FMO1: variants seen among roughly 807,000 people sequenced by gnomAD.
FMO1 encodes flavin containing dimethylaniline monoxygenase 1, also known as flavin-containing monooxygenase 1.
Under a neutral mutation model 45.4 loss-of-function variants are expected in FMO1, and 36 were observed. That is an observed-to-expected ratio of 0.79 (90% CI 0.61 to 1.05). The LOEUF (loss-of-function observed/expected upper bound fraction) is 1.05, where lower values mean the gene tolerates loss of function less well. Among genes scored for constraint, FMO1 ranks in the 50% least tolerant of loss-of-function variants. The pLI is 0.00. For synonymous variants in FMO1, 228 were observed against 227.2 expected, an observed-to-expected ratio of 1.00 and a Z score of -0.03; for missense variants, 615 against 640.3, an observed-to-expected ratio of 0.96 and a Z score of 0.43.
In FMO1 at chr1:171,283,162, C is replaced by T. The variant is rs753088959; in HGVS notation, c.1202C>T (p.Pro401Leu). ...RVLKGVNKLP[P>L]PSVMIEEINA... ...CCTACAGGTGTAAATAAGTTACCAC[C>T]ACCAAGTGTCATGATAGAGGAAATT... The change falls in exon 8 of 9, where the codon CCA becomes CTA. Residue 401 changes from proline to leucine, a missense_variant. Transcript: ENST00000617670. 2 of 1,577,576 alleles carry T rather than the reference C, an allele frequency of 1.3e-6. No homozygotes were observed. Among genetic ancestry groups the T allele is most frequent in the Non-Finnish European group, 1.7e-6 (2 of 1,156,756 alleles).
chr1:171,271,298 G>A (rs1052894347), intron 3 of FMO1: 24 of 1,317,696 alleles, frequency 1.8e-5, no homozygotes, highest in Middle Eastern at 2.7e-4. Flanking sequence ...GCTGAAGGAG[G>A]CCTCTTGGGT....
chr1:171,283,143 G>A lies in FMO1; in HGVS notation c.1184-1G>A. ...TTGAGGTTTTTATTTTAATCCTACA[G>A]GTGTAAATAAGTTACCACCACCAAG... On this transcript the variant is annotated splice_acceptor_variant, in intron 7 of 8. Transcript: ENST00000617670. LOFTEE classifies it high-confidence loss of function. 1 of 1,514,180 alleles carries A rather than the reference G, an allele frequency of 6.6e-7. No individual in the cohort carries two copies. Among genetic ancestry groups the A allele is most frequent in the Non-Finnish European group, 9.1e-7 (1 of 1,099,826 alleles). The allele number at this position is 1,514,180 out of a possible 1,614,324, so 93.8% of individuals were successfully genotyped here. A position where few individuals can be genotyped will look rare whatever the true frequency, so the allele number is the denominator to read the frequency against.
Position 171,282,105 on chromosome 1 carries a change from G to A in FMO1, c.955G>A (p.Glu319Lys). 1 of 1,613,904 alleles carries A rather than the reference G, an allele frequency of 6.2e-7. No individual in the cohort carries two copies. The change falls in exon 7 of 9, where the codon GAA (glutamate) becomes AAA (lysine). Residue 319 changes from glutamate to lysine, a missense_variant. By Grantham distance (56) the Glu-to-Lys change is moderately conservative (BLOSUM62 1). Transcript: ENST00000617670. ...NSVIFNNTSK[E>K]EPIDIIVFAT... is the part of the protein sequence containing the mutation. ...TGTCATATTTAACAATACTTCAAAG[G>A]AAGAGCCTATTGACATCATTGTCTT... is the stretch of plus-strand genomic sequence containing the variant.
At chr1:171,267,793 T>C in intron 3 of FMO1, 62 bp downstream of exon 3, 4 of 1,320,744 alleles carry the variant, frequency 3.0e-6, no homozygotes, top group Non-Finnish European at 4.2e-6. Context: ...CTCTTATCTC[T>C]CCAGCCTAGC....
intron 1 of FMO1, chr1:171,251,517 T>C (rs373644382): frequency 6.6e-6 from 1 of 151,808 alleles, no homozygotes; most frequent in East Asian, 2.0e-4. Flanking sequence ...CGGGTTCTTT[T>C]CTTACCTTCG....
intron 5 of FMO1, 116 bp downstream of exon 5, chr1:171,278,987 C>A (rs1005683409): frequency 5.2e-6 from 4 of 769,730 alleles, no homozygotes; most frequent in Non-Finnish European, 7.3e-6. Flanking sequence ...ATGCAAACAA[C>A]AGATTACTAA....
chr1:171,284,326 G>A (rs1487285726), intron 8 of FMO1, among the ~76,000 whole-genome samples: 3 of 152,040 alleles, frequency 2.0e-5, no homozygotes, highest in Admixed American at 1.3e-4. Context: ...CATTTTAGAT[G>A]TCTCTTCTTT....
intron 1 of FMO1, among the ~76,000 whole-genome samples, chr1:171,257,328 A>G (rs568551146): frequency 3.0e-4 from 46 of 152,136 alleles, no homozygotes; most frequent in Non-Finnish European, 5.9e-4. Context: ...GTGCCAGAAG[A>G]TTCTCTGGCC....
At chr1:171,273,821 G>C (rs1660978589) in intron 3 of FMO1, among the ~76,000 whole-genome samples, 1 of 152,088 alleles carries the variant, frequency 6.6e-6, no homozygotes, top group African/African-American at 2.4e-5. Context: ...CCAGGCACAA[G>C]GCCATTTTAG....
At chr1:171,269,367 A>G (rs991882777) in intron 3 of FMO1, among the ~76,000 whole-genome samples, 2 of 152,124 alleles carry the variant, frequency 1.3e-5, no homozygotes, top group African/African-American at 4.8e-5. Context: ...TATGAACAAT[A>G]AAGTCCAGGC....
At chr1:171,252,524 C>T (rs894720445) in intron 1 of FMO1, among the ~76,000 whole-genome samples, 6 of 152,274 alleles carry the variant, frequency 3.9e-5, no homozygotes, top group African/African-American at 1.4e-4. Flanking sequence ...CCTCTTTCCA[C>T]CTGGCCTGTT....
intron 2 of FMO1, among the ~76,000 whole-genome samples, chr1:171,266,839 T>A (rs986712628): frequency 6.6e-6 from 1 of 152,226 alleles, no homozygotes. Flanking sequence ...GCAATGTATA[T>A]TAAAGACATT....
At chr1:171,274,511 C>T (rs184526617) in intron 3 of FMO1, among the ~76,000 whole-genome samples, 1 of 151,978 alleles carries the variant, frequency 6.6e-6, no homozygotes, top group Non-Finnish European at 1.5e-5. Context: ...AAAAATAAAT[C>T]TATTTTGAAA....
At chr1:171,256,427 A>G (rs1252424441) in intron 1 of FMO1, among the ~76,000 whole-genome samples, 1 of 152,086 alleles carries the variant, frequency 6.6e-6, no homozygotes, top group Non-Finnish European at 1.5e-5. Context: ...CAATACCCAT[A>G]CTTCACAACT....
intron 1 of FMO1, chr1:171,257,673 T>C (rs1660217010): frequency 4.5e-6 from 1 of 223,370 alleles, no homozygotes; most frequent in Non-Finnish European, 9.0e-6. Context: ...AGCTTCAGTT[T>C]TGTATGTGAT....
chr1:171,278,205 C>T (rs1661187058), intron 4 of FMO1, among the ~76,000 whole-genome samples: 1 of 152,094 alleles, frequency 6.6e-6, no homozygotes, highest in Admixed American at 6.6e-5. Flanking sequence ...GTGAACTTCT[C>T]CAACTAACAT....
At chr1:171,258,540 C>A (rs901353754) in intron 2 of FMO1, among the ~76,000 whole-genome samples, 2 of 152,120 alleles carry the variant, frequency 1.3e-5, no homozygotes, top group Non-Finnish European at 2.9e-5. Context: ...AGGACCAGGG[C>A]GTCTGAAGCA....
At chr1:171,270,781 T>C (rs1465984554) in intron 3 of FMO1, 1 of 882,000 alleles carries the variant, frequency 1.1e-6, no homozygotes, top group Non-Finnish European at 1.5e-6. Context: ...AGGAGAGGGC[T>C]ATCTAAAGAC....
intron 2 of FMO1, 50 bp downstream of exon 2, chr1:171,258,269 A>C: frequency 6.3e-7 from 1 of 1,595,810 alleles, no homozygotes; most frequent in Non-Finnish European, 8.6e-7. Context: ...ATGGCTTGGC[A>C]GCTGGGAAAT....
Sources: allele counts gnomAD v4.1 joint callset (sites outside exome capture counted in the v4.1 genomes callset), GRCh38; gene constraint gnomAD v4.1.1; transcripts MANE v1.5; gene names NCBI Gene and HGNC (gene_info 2026-07-23, HGNC 2026-07-21).